The following SNX16 variants were observed in gnomAD, a reference collection of about 807,000 sequenced individuals.
SNX16 encodes sorting nexin-16.
In SNX16, 35 loss-of-function variants were observed where a neutral mutation model predicts 36.7. The observed-to-expected ratio is 0.95, with a 90% confidence interval of 0.73 to 1.27. The LOEUF (loss-of-function observed/expected upper bound fraction) is 1.27. Among genes scored for constraint, SNX16 ranks in the 50% most tolerant of loss-of-function variants. The pLI is 0.00. For synonymous variants in SNX16, 134 were observed against 132.0 expected, an observed-to-expected ratio of 1.02 and a Z score of -0.10; for missense variants, 367 against 393.6, an observed-to-expected ratio of 0.93 and a Z score of 0.57.
chr8:81,822,492 C>T (rs1810790585), intron 4 of SNX16, among the ~76,000 whole-genome samples: 1 of 151,944 alleles, frequency 6.6e-6, no homozygotes, highest in South Asian at 2.1e-4. Flanking sequence ...TGTGGCTCTA[C>T]TGGGCTATAG....
At chr8:81,805,746 C>T (rs967094653) in intron 5 of SNX16, among the ~76,000 whole-genome samples, 14 of 152,116 alleles carry the variant, frequency 9.2e-5, no homozygotes, top group Middle Eastern at 3.4e-3. Context: ...AGTGAAACCC[C>T]GTCTCTACTA....
At chr8:81,810,144 A>C (rs928216049) in intron 5 of SNX16, among the ~76,000 whole-genome samples, 40 of 152,122 alleles carry the variant, frequency 2.6e-4, no homozygotes, top group Non-Finnish European at 4.4e-5. Context: ...TTTATTTCTA[A>C]TAAGCTATTC....
intron 3 of SNX16, among the ~76,000 whole-genome samples, chr8:81,826,044 T>C (rs1256704999): frequency 6.6e-6 from 1 of 151,730 alleles, no homozygotes; most frequent in African/African-American, 2.4e-5. Flanking sequence ...CCTTAAAAAA[T>C]TGTCCACAGA....
At chr8:81,814,341 CTG>C (rs1396756352) in intron 5 of SNX16, among the ~76,000 whole-genome samples, 1 of 151,910 alleles carries the variant, frequency 6.6e-6, no homozygotes, top group East Asian at 1.9e-4. Flanking sequence ...ATTAGGCAGA[CTG>C]TATATATAAA....
At chr8:81,814,104 C>T (rs1340140555) in intron 5 of SNX16, among the ~76,000 whole-genome samples, 1 of 151,958 alleles carries the variant, frequency 6.6e-6, no homozygotes. Context: ...CATATGTTCA[C>T]ACAAAACATT....
chr8:81,823,026 A>C (rs907075741), intron 4 of SNX16, among the ~76,000 whole-genome samples: 3 of 149,020 alleles, frequency 2.0e-5, no homozygotes, highest in Middle Eastern at 3.6e-3. Flanking sequence ...TGTGTCATGC[A>C]GGAAAAAAAT....
chr8:81,835,817 C>T (rs1382111217), intron 2 of SNX16, among the ~76,000 whole-genome samples: 2 of 152,194 alleles, frequency 1.3e-5, no homozygotes, highest in Non-Finnish European at 2.9e-5. Flanking sequence ...AGGCAAGTCT[C>T]ACATGCTGGC....
intron 4 of SNX16, among the ~76,000 whole-genome samples, chr8:81,818,075 T>C (rs994181808): frequency 7.2e-5 from 11 of 152,138 alleles, no homozygotes; most frequent in Non-Finnish European, 1.2e-4. Flanking sequence ...CTCTTGAATT[T>C]TGTTTAAAGA....
At chr8:81,815,575 G>C (rs1470023573) in intron 4 of SNX16, 181 bp from the exon 5 acceptor site, 1 of 464,872 alleles carries the variant, frequency 2.2e-6, no homozygotes, top group Non-Finnish European at 3.9e-6. Context: ...TGTTTTCTAA[G>C]ATCTTAGAAC....
chr8:81,842,161 G>C lies in SNX16; in HGVS notation c.-136C>G, dbSNP rs762879845. ...CGATCCCGAACGAGCGCGCTTCCCG[G>C]TGACGGTTAAACCGGACTCTCCTTA... is the stretch of plus-strand genomic sequence containing the variant. On this transcript the variant is annotated 5_prime_UTR_variant, in exon 1 of 8. Transcript: ENST00000345957. 2.7e-5 allele frequency: 4 copies of C among 150,534 alleles called. No homozygotes were observed. Among genetic ancestry groups the C allele is most frequent in the Non-Finnish European group, 4.4e-5 (3 of 67,792 alleles). The allele number at this position is 150,534 out of a possible 1,614,324, so 9.3% of individuals were successfully genotyped here. A position where few individuals can be genotyped will look rare whatever the true frequency, so the allele number is the denominator to read the frequency against.
intron 4 of SNX16, among the ~76,000 whole-genome samples, chr8:81,822,049 G>A (rs1313308667): frequency 2.6e-5 from 4 of 151,992 alleles, no homozygotes; most frequent in Non-Finnish European, 5.9e-5. Flanking sequence ...TAGAATATAG[G>A]AAATAAGTTA....
At chr8:81,825,797 G>A (rs1180215134) in intron 3 of SNX16, among the ~76,000 whole-genome samples, 1 of 152,046 alleles carries the variant, frequency 6.6e-6, no homozygotes, top group Non-Finnish European at 1.5e-5. Context: ...TAAACGTGAA[G>A]ATAAAATAAA....
At chr8:81,837,323 C>A (rs376834864) in intron 2 of SNX16, among the ~76,000 whole-genome samples, 1 of 152,112 alleles carries the variant, frequency 6.6e-6, no homozygotes, top group Non-Finnish European at 1.5e-5. Flanking sequence ...TTTACTTCCT[C>A]CTCTCCAGTC....
At chr8:81,826,021 A>AT (rs921861928) in intron 3 of SNX16, among the ~76,000 whole-genome samples, 14 of 139,430 alleles carry the variant, frequency 1.0e-4, no homozygotes, top group Non-Finnish European at 1.4e-4. Context: ...AAATGGTTAG[A>AT]TTTTTTTTTT....
chr8:81,802,448 A>C lies in SNX16; in HGVS notation c.870T>G (p.Gly290=), dbSNP rs1449337797. 6.2e-7 allele frequency: 1 copy of C among 1,610,608 alleles called. No individual in the cohort carries two copies. The change falls in exon 7 of 8, where the codon GGT becomes GGG. Residue 290 remains glycine, a synonymous_variant. Transcript: ENST00000345957. ...EESLDVSETE[G]EQILKVESSA... ...AGGACTCCACCTTTAGGATCTGTTCACCTTCTGTTTCTGACACATCCAGTG... is the reference window on the plus strand; with the variant it reads ...AGGACTCCACCTTTAGGATCTGTTCCCCTTCTGTTTCTGACACATCCAGTG...
At chr8:81,828,952 TCTC>T (rs917751939) in intron 3 of SNX16, among the ~76,000 whole-genome samples, 27 of 152,190 alleles carry the variant, frequency 1.8e-4, no homozygotes, top group African/African-American at 6.0e-4. Context: ...GGAAGGTAAT[TCTC>T]CTCCAGAGCC....
chr8:81,833,960 AGT>A (rs1811380561), intron 2 of SNX16, among the ~76,000 whole-genome samples: 1 of 152,236 alleles, frequency 6.6e-6, no homozygotes, highest in African/African-American at 2.4e-5. Flanking sequence ...ATATACAAAA[AGT>A]GTGCAATTCA....
intron 2 of SNX16, among the ~76,000 whole-genome samples, chr8:81,837,569 A>C (rs1811547245): frequency 6.6e-6 from 1 of 152,212 alleles, no homozygotes; most frequent in African/African-American, 2.4e-5. Context: ...GGTGCCTTAT[A>C]GCTATGTCCT....
At chr8:81,833,399 T>TAA (rs150120476) in intron 2 of SNX16, among the ~76,000 whole-genome samples, 6 of 151,180 alleles carry the variant, frequency 4.0e-5, no homozygotes, top group East Asian at 3.9e-4. Flanking sequence ...CTTTGAAGTT[T>TAA]AAAAAAATAA....
Sources: allele counts gnomAD v4.1 joint callset (sites outside exome capture counted in the v4.1 genomes callset), GRCh38; gene constraint gnomAD v4.1.1; transcripts MANE v1.5; gene names NCBI Gene and HGNC (gene_info 2026-07-23, HGNC 2026-07-21).